The following MME variants were observed in gnomAD, a reference collection of about 807,000 sequenced individuals.
The protein encoded by MME is neprilysin.
A neutral mutation model predicts 113.2 loss-of-function variants in MME; 98 were observed. The ratio of observed to expected loss-of-function variants is 0.87; its 90% confidence interval spans 0.74 to 1.02. The LOEUF (loss-of-function observed/expected upper bound fraction) is 1.02. Ranked by LOEUF, MME falls within the 50% of genes least tolerant of loss-of-function variation. The pLI, the probability that MME is intolerant of heterozygous loss-of-function variation, is 0.00. For synonymous variants in MME, 292 were observed against 300.6 expected, an observed-to-expected ratio of 0.97 and a Z score of 0.30; for missense variants, 836 against 896.0, an observed-to-expected ratio of 0.93 and a Z score of 0.86.
In MME at chr3:155,057,599, C is replaced by T. The variant is rs550921425; in HGVS notation, c.-10-26559C>T. ...AGTGAGCTCTGGTAGACTTGCCAGC[C>T]TCTGGTGCATTGGTAGGGAGTGAGT... On this transcript the variant is annotated intron_variant, in intron 1 of 22. Transcript: ENST00000492661. 2.0e-4 allele frequency among the ~76,000 whole-genome samples: 31 copies of T among 152,134 alleles called. No homozygotes were observed. The South Asian group carries it at 4.6e-3, about 22-fold the overall frequency.
intron 1 of MME, among the ~76,000 whole-genome samples, chr3:155,072,258 A>G (rs1485737708): frequency 2.7e-5 from 4 of 149,688 alleles, no homozygotes; most frequent in Non-Finnish European, 5.9e-5. Context: ...CCTCATTCCC[A>G]TCAATGCAAC....
At chr3:155,114,915 G>T in intron 3 of MME, 79 bp from the exon 4 acceptor site, 1 of 1,421,714 alleles carries the variant, frequency 7.0e-7, no homozygotes. Context: ...TCAAAAGGGA[G>T]CAATAAGCCT....
At chr3:155,043,326 T>C (rs1052286393) in intron 1 of MME, among the ~76,000 whole-genome samples, 7 of 149,730 alleles carry the variant, frequency 4.7e-5, no homozygotes, top group Admixed American at 4.0e-4. Flanking sequence ...GAACCTCTTT[T>C]TCTTTCTTTC....
chr3:155,077,503 T>C (rs186306639), upstream of MME, among the ~76,000 whole-genome samples: 1 of 152,270 alleles, frequency 6.6e-6, no homozygotes, highest in East Asian at 1.9e-4. Context: ...TGCACAAACT[T>C]CTGGGAGGAG....
chr3:155,072,588 T>C (rs868544358), intron 1 of MME, among the ~76,000 whole-genome samples: 18 of 152,230 alleles, frequency 1.2e-4, no homozygotes, highest in African/African-American at 3.9e-4. Flanking sequence ...GTTGGTTTGT[T>C]GGTTTGTTTA....
rs199910677 is a variant in MME at position 155,143,504 on chromosome 3, G to A, written c.1250G>A (p.Gly417Glu). Residue 417 changes from glycine to glutamate, a missense_variant, in exon 13 of 23, where the codon GGG becomes GAG. Gly to Glu is a moderately conservative substitution (Grantham distance 98). Transcript: ENST00000360490. Reference protein sequence around the residue: ...TWRRCANYVNGNMENAVGRLY... With the variant: ...TWRRCANYVNENMENAVGRLY... ...AGACGTTGTGCAAACTATGTCAATGGGAATATGGAAAATGCTGTGGGGAGG... is the reference window on the plus strand; with the variant it reads ...AGACGTTGTGCAAACTATGTCAATGAGAATATGGAAAATGCTGTGGGGAGG... The A allele has an allele frequency of 3.0e-5, 48 of 1,612,732 alleles. No homozygotes were observed. The highest frequency in any genetic ancestry group is 3.7e-5 in the Non-Finnish European group (44 of 1,179,064).
chr3:155,113,685 C>T (rs1718369584), intron 3 of MME, among the ~76,000 whole-genome samples: 1 of 152,026 alleles, frequency 6.6e-6, no homozygotes, highest in Admixed American at 6.6e-5. Flanking sequence ...AACTGGGTGA[C>T]TTCTAGTCAA....
chr3:155,180,549 G>A lies in MME; in HGVS notation c.*90G>A, dbSNP rs1286516825. 5 of 928,556 alleles carry A rather than the reference G, an allele frequency of 5.4e-6. No individual in the cohort carries two copies. The highest frequency in any genetic ancestry group is 4.9e-5 in the African/African-American group (3 of 61,494). 57.5% of individuals were successfully genotyped at this position (928,556 alleles called of 1,614,324 possible). A position where few individuals can be genotyped will look rare whatever the true frequency, so the allele number is the denominator to read the frequency against. The stretch of plus-strand genomic sequence containing the variant: ...TAATCGAAAGAAAATGGGCCCTAGG[G>A]GTCACTGTACTGACTTGAGGGTGAT... On this transcript the variant is annotated 3_prime_UTR_variant, in exon 23 of 23. Coordinates refer to ENST00000360490, the MANE Select transcript of MME (RefSeq NM_007289.4).
chr3:155,025,233 A>C (rs913187568), intron 1 of MME, among the ~76,000 whole-genome samples: 1 of 152,062 alleles, frequency 6.6e-6, no homozygotes, highest in South Asian at 2.1e-4. Context: ...GGACACATCT[A>C]CTCAGCCAAC....
At chr3:155,156,356 C>T (rs551743754) in intron 16 of MME, among the ~76,000 whole-genome samples, 134 of 152,140 alleles carry the variant, frequency 8.8e-4, no homozygotes, top group African/African-American at 3.0e-3. Context: ...CAGTGTGACA[C>T]AGTAGTAAGA....
At chr3:155,160,573 T>C in intron 17 of MME, 125 bp downstream of exon 17, 2 of 683,694 alleles carry the variant, frequency 2.9e-6, no homozygotes. Context: ...CTCTATTGAA[T>C]GCATTTCTTG....
chr3:155,171,982 T>C (rs1712019519), intron 20 of MME, 135 bp from the exon 21 acceptor site: 1 of 635,854 alleles, frequency 1.6e-6, no homozygotes, highest in Non-Finnish European at 2.8e-6. Context: ...TAGTTGTAGG[T>C]TACCATAACT....
chr3:155,065,948 A>G (rs1331301774), intron 1 of MME, among the ~76,000 whole-genome samples: 2 of 152,216 alleles, frequency 1.3e-5, no homozygotes, highest in Non-Finnish European at 2.9e-5. Context: ...AGGCAGTTCC[A>G]TGAACTGCCT....
chr3:155,050,345 T>TG (rs1559892690), intron 1 of MME, among the ~76,000 whole-genome samples: 2 of 152,206 alleles, frequency 1.3e-5, no homozygotes, highest in African/African-American at 4.8e-5. Context: ...TTTGGTTATA[T>TG]ACCCAATAAT....
intron 3 of MME, among the ~76,000 whole-genome samples, chr3:155,092,255 A>G (rs1019351534): frequency 6.6e-6 from 1 of 152,230 alleles, no homozygotes; most frequent in Non-Finnish European, 1.5e-5. Context: ...TTTATCAGCT[A>G]TCTGGATATC....
intron 20 of MME, among the ~76,000 whole-genome samples, chr3:155,171,795 CA>C (rs1424173616): frequency 6.6e-6 from 1 of 152,140 alleles, no homozygotes. Flanking sequence ...TCTTATTCAT[CA>C]ATTTATAAAA....
chr3:155,148,001 A>G (rs1308346913), intron 15 of MME, among the ~76,000 whole-genome samples: 2 of 152,200 alleles, frequency 1.3e-5, no homozygotes, highest in African/African-American at 4.8e-5. Flanking sequence ...CATAGTGGCT[A>G]CGAACACAGA....
rs201459318 is a variant in MME, at chr3:155,168,575, A to G, written c.1864A>G (p.Met622Val). The G allele has an allele frequency of 1.1e-5, 17 of 1,613,732 alleles. No individual in the cohort carries two copies. The highest frequency in any genetic ancestry group is 1.7e-5 in the Admixed American group (1 of 59,978). The part of the protein sequence containing the change: ...ASNFKEQSQC[M>V]VYQYGNFSWD... ...TAACTTTAAGGAGCAATCCCAGTGC[A>G]TGGTGTATCAGTATGGAAACTTTTC... is the stretch of plus-strand genomic sequence containing the variant. The change falls in exon 19 of 23, where the codon ATG (methionine) becomes GTG (valine). Residue 622 changes from methionine to valine, a missense_variant. Coordinates refer to ENST00000360490, the MANE Select transcript of MME (RefSeq NM_007289.4).
intron 1 of MME, among the ~76,000 whole-genome samples, chr3:155,057,852 A>G (rs897306715): frequency 4.6e-5 from 7 of 151,798 alleles, no homozygotes; most frequent in African/African-American, 1.5e-4. Flanking sequence ...TGCCTGTCAT[A>G]TTTTGCCTCT....
Sources: gnomAD v4.1 joint callset for allele counts (sites outside exome capture counted in the v4.1 genomes callset) on GRCh38, gnomAD v4.1.1 for gene constraint, MANE v1.5 for transcripts, NCBI Gene and HGNC (gene_info 2026-07-23, HGNC 2026-07-21) for gene names.